The following BACH2 variants were observed in gnomAD, a reference collection of about 807,000 sequenced individuals.
The protein encoded by BACH2 is transcription regulator protein BACH2.
BACH2 carries 5 observed loss-of-function variants against 61.8 expected under a neutral mutation model. That is an observed-to-expected ratio of 0.08 (90% CI 0.04 to 0.17). The LOEUF (loss-of-function observed/expected upper bound fraction) is 0.17, where lower values mean the gene tolerates loss of function less well. BACH2 is among the 10% of genes least tolerant of loss of function. The pLI is 1.00. For missense variants in BACH2, 824 were observed against 1,091.1 expected, an observed-to-expected ratio of 0.76 and a Z score of 3.45; for synonymous variants, 446 against 440.1, an observed-to-expected ratio of 1.01 and a Z score of -0.17.
chr6:89,992,076 CAG>C (rs1428088228), intron 6 of BACH2, among the ~76,000 whole-genome samples: 1 of 152,086 alleles, frequency 6.6e-6, no homozygotes, highest in Non-Finnish European at 1.5e-5. Flanking sequence ...CAAAAAGATA[CAG>C]AGTCTCACTC....
chr6:90,124,198 C>T (rs938073921), intron 4 of BACH2, among the ~76,000 whole-genome samples: 19 of 152,154 alleles, frequency 1.2e-4, no homozygotes, highest in African/African-American at 4.3e-4. Flanking sequence ...AGATCTGCAG[C>T]TGCAGCCAAC....
At chr6:90,219,392 A>T (rs1048658703) in intron 3 of BACH2, among the ~76,000 whole-genome samples, 3 of 152,144 alleles carry the variant, frequency 2.0e-5, no homozygotes, top group African/African-American at 7.2e-5. Flanking sequence ...GTTTCTATCC[A>T]CACAAGCAAC....
intron 5 of BACH2, among the ~76,000 whole-genome samples, chr6:90,037,592 C>T (rs1779323453): frequency 6.6e-6 from 1 of 152,212 alleles, no homozygotes; most frequent in Admixed American, 6.5e-5. Flanking sequence ...GCACGCTTCA[C>T]ATATCAGTCA....
chr6:90,273,931 A>G (rs147974108), intron 1 of BACH2, among the ~76,000 whole-genome samples: 40 of 152,332 alleles, frequency 2.6e-4, no homozygotes, highest in African/African-American at 9.4e-4. Context: ...AAGACTGAAT[A>G]AGAACATGTA....
Position 89,951,192 on chromosome 6 carries a change from C to T in BACH2, c.914G>A (p.Gly305Glu), listed in dbSNP as rs746302374. Residue 305 changes from glycine (G) to glutamate (E), a missense_variant, in exon 7 of 9, where the codon GGG becomes GAG. Transcript: ENST00000257749. The surrounding 1 kb of genome is among the most constrained non-coding windows in gnomAD (Gnocchi z 6.4). ...CTGTTTCCGGTCCATCTCGACATCC[C>T]CCGCTCTGTCCTTGGCGTCAGGCTC... Reference protein sequence around the residue: ...GDEPDAKDRAGDVEMDRKQPS... With the variant: ...GDEPDAKDRAEDVEMDRKQPS... The T allele has an allele frequency of 1.9e-6, 3 of 1,613,892 alleles. No individual in the cohort carries two copies. The highest frequency in any genetic ancestry group is 1.1e-5 in the South Asian group (1 of 91,070).
intron 3 of BACH2, among the ~76,000 whole-genome samples, chr6:90,211,678 T>C (rs1769359023): frequency 6.6e-6 from 1 of 151,016 alleles, no homozygotes; most frequent in Non-Finnish European, 1.5e-5. Context: ...AAATACTGAA[T>C]GGAATATGGT....
intron 5 of BACH2, among the ~76,000 whole-genome samples, chr6:90,017,995 G>C (rs186051671): frequency 3.3e-4 from 51 of 152,278 alleles, no homozygotes; most frequent in African/African-American, 1.2e-3. Flanking sequence ...TTTTGCTTTT[G>C]AGATTTGTTA....
chr6:90,025,477 C>T (rs1334290876), intron 5 of BACH2, among the ~76,000 whole-genome samples: 1 of 152,188 alleles, frequency 6.6e-6, no homozygotes, highest in Non-Finnish European at 1.5e-5. Flanking sequence ...ATACATTAAT[C>T]TCTGCTTCCT....
At chr6:89,967,599 A>G (rs1047704027) in intron 6 of BACH2, among the ~76,000 whole-genome samples, 1 of 152,184 alleles carries the variant, frequency 6.6e-6, no homozygotes, top group Non-Finnish European at 1.5e-5. Context: ...GCACCTTCCC[A>G]GAGAAGCGTA....
intron 4 of BACH2, among the ~76,000 whole-genome samples, chr6:90,094,521 C>T (rs745478129): frequency 6.6e-6 from 1 of 152,146 alleles, no homozygotes; most frequent in Non-Finnish European, 1.5e-5. Context: ...CTCTTCCTAC[C>T]TTATTGGGAT....
rs2128352033 is a variant in BACH2 at position 89,931,591 on chromosome 6, A to G, written c.*817T>C. The G allele has an allele frequency of 6.6e-6, 1 of 150,650 alleles. No homozygotes were observed. Among genetic ancestry groups the G allele is most frequent in the Middle Eastern group, 3.4e-3 (1 of 294 alleles). 9.3% of individuals were successfully genotyped at this position (150,650 alleles called of 1,614,324 possible). A position where few individuals can be genotyped will look rare whatever the true frequency, so the allele number is the denominator to read the frequency against. ...CCATTACTGTACAGTATCTGCAAGG[A>G]AAACAAAAACAAAAACAAAAACAAA... On this transcript the variant is annotated 3_prime_UTR_variant, in exon 9 of 9. Coordinates refer to ENST00000257749, the MANE Select transcript of BACH2 (RefSeq NM_021813.4).
intron 4 of BACH2, among the ~76,000 whole-genome samples, chr6:90,127,838 A>G (rs535593177): frequency 6.6e-6 from 1 of 152,328 alleles, no homozygotes; most frequent in East Asian, 1.9e-4. Context: ...GGGACTTGAA[A>G]AATGAAGACC....
intron 6 of BACH2, among the ~76,000 whole-genome samples, chr6:89,968,301 G>A (rs1445895796): frequency 6.6e-6 from 1 of 152,178 alleles, no homozygotes; most frequent in East Asian, 1.9e-4. Flanking sequence ...ATCACAGGAG[G>A]GCTGTTTTGC....
chr6:90,257,274 T>C (rs928401301), intron 2 of BACH2, among the ~76,000 whole-genome samples: 1 of 152,218 alleles, frequency 6.6e-6, no homozygotes, highest in African/African-American at 2.4e-5. Context: ...ATATGGTAGT[T>C]CTGTTTTTAA....
chr6:89,941,860 G>A (rs1051020843), intron 7 of BACH2, among the ~76,000 whole-genome samples: 1 of 152,168 alleles, frequency 6.6e-6, no homozygotes, highest in African/African-American at 2.4e-5. Context: ...TATACCAAGA[G>A]CTACTGTATT....
At chr6:90,058,349 A>G (rs1395213304) in intron 5 of BACH2, among the ~76,000 whole-genome samples, 2 of 152,228 alleles carry the variant, frequency 1.3e-5, no homozygotes, top group Non-Finnish European at 2.9e-5. Flanking sequence ...AGAGAGCCAA[A>G]TCATGAGTGA....
intron 6 of BACH2, among the ~76,000 whole-genome samples, chr6:89,982,469 A>G (rs1776010858): frequency 6.6e-6 from 1 of 152,212 alleles, no homozygotes; most frequent in Non-Finnish European, 1.5e-5. Context: ...AGGGTTTTTA[A>G]TATTAAAAGA....
At chr6:90,085,923 C>T (rs565810627) in intron 5 of BACH2, among the ~76,000 whole-genome samples, 2 of 152,182 alleles carry the variant, frequency 1.3e-5, no homozygotes, top group Admixed American at 6.5e-5. Flanking sequence ...CATCATCATT[C>T]ATCTCCGGAA....
At chr6:90,250,811 C>T (rs1770784021) in intron 3 of BACH2, among the ~76,000 whole-genome samples, 1 of 151,866 alleles carries the variant, frequency 6.6e-6, no homozygotes. Flanking sequence ...TTCATTTAAC[C>T]AAAAATTTTT....
Sources: gnomAD v4.1 joint callset for allele counts (sites outside exome capture counted in the v4.1 genomes callset) on GRCh38, gnomAD v4.1.1 for gene constraint, Gnocchi (gnomAD v3.1) non-coding constraint, MANE v1.5 for transcripts, NCBI Gene and HGNC (gene_info 2026-07-23, HGNC 2026-07-21) for gene names.